Variants in SPC25 observed in about 807,000 individuals in gnomAD.
SPC25 encodes the protein kinetochore protein Spc25.
SPC25 carries 22 observed loss-of-function variants against 29.6 expected under a neutral mutation model. That is an observed-to-expected ratio of 0.74 (90% CI 0.53 to 1.06). SPC25 has a LOEUF of 1.06. SPC25 is among the 50% of genes least tolerant of loss of function. The pLI is 0.00. For missense variants in SPC25, 230 were observed against 255.8 expected (o/e 0.90, Z 0.69); for synonymous variants, 91 against 90.4 (o/e 1.01, Z -0.04).
intron 6 of SPC25, 124 bp from the exon 7 acceptor site, chr2:168,871,679 G>A (rs926569475): frequency 1.1e-6 from 1 of 906,534 alleles, no homozygotes; most frequent in Non-Finnish European, 1.6e-6. Flanking sequence ...GAAATTCTTT[G>A]AGCAAAAAAG....
chr2:168,873,078 G>A (rs6739984), intron 6 of SPC25, among the ~76,000 whole-genome samples: 12,917 of 152,024 alleles, frequency 0.085, 966 homozygotes, highest in African/African-American at 0.2. Context: ...TAAATCAAAG[G>A]CCTTTTGGCC....
rs995384935 is a variant in SPC25, at chr2:168,890,360, A to G, written c.-57T>C. ...AGTCCCGCCGCCTTCCCCACACCAG[A>G]TCCGCGCCCACTCTAGCCAACAGCC... On this transcript the variant is annotated 5_prime_UTR_variant, in exon 1 of 7. Coordinates refer to ENST00000282074, the MANE Select transcript of SPC25 (RefSeq NM_020675.4). 5 of 985,222 alleles carry G rather than the reference A, an allele frequency of 5.1e-6. No individual in the cohort carries two copies. Among genetic ancestry groups the G allele is most frequent in the African/African-American group, 3.5e-5 (2 of 57,182 alleles). The allele number at this position is 985,222 out of a possible 1,614,324, so 61.0% of individuals were successfully genotyped here.
intron 3 of SPC25, 142 bp from the exon 4 acceptor site, chr2:168,877,526 A>G: frequency 3.1e-6 from 3 of 960,940 alleles, no homozygotes; most frequent in Non-Finnish European, 4.5e-6. Context: ...TCAAAATTAT[A>G]AAAGACAAAA....
downstream of SPC25, among the ~76,000 whole-genome samples, chr2:168,867,042 T>A (rs1054356288): frequency 3.3e-5 from 5 of 152,104 alleles, no homozygotes; most frequent in Non-Finnish European, 7.4e-5. Context: ...GTAAACTAGT[T>A]CAACCATTGT....
At chr2:168,882,017 T>C (rs1002212238) in intron 3 of SPC25, among the ~76,000 whole-genome samples, 2 of 152,298 alleles carry the variant, frequency 1.3e-5, no homozygotes, top group East Asian at 1.9e-4. Context: ...TCAAGAAATA[T>C]GTAGGCTCTG....
rs768165420 is a variant in SPC25 at position 168,882,714 on chromosome 2, C to A, written c.200-5330G>T. Among the ~76,000 whole-genome samples, 84 of 152,212 alleles carry A rather than the reference C, an allele frequency of 5.5e-4. 1 individual carries two copies. The highest frequency in any genetic ancestry group is 1.0e-3 in the Non-Finnish European group (69 of 68,000). The stretch of plus-strand genomic sequence containing the variant: ...TTATCCTCCTCCAACAATGGGTTAC[C>A]ATTTTAATCTCAAGAGGAAGACACA... On this transcript the variant is annotated intron_variant, in intron 3 of 6. Coordinates refer to ENST00000282074, the MANE Select transcript of SPC25 (RefSeq NM_020675.4).
At chr2:168,876,275 G>T in intron 4 of SPC25, 99 bp from the exon 5 acceptor site, 2 of 834,044 alleles carry the variant, frequency 2.4e-6, no homozygotes, top group East Asian at 3.2e-5. Flanking sequence ...ATAAAATGAT[G>T]CCAAGCCTAT....
chr2:168,863,500 T>C, intron 4 of SPC25: 1 of 985,408 alleles, frequency 1.0e-6, no homozygotes, highest in African/African-American at 1.7e-5. Flanking sequence ...CAGATCTTTC[T>C]ACTTTTATGA....
intron 1 of SPC25, 112 bp from the exon 2 acceptor site, chr2:168,889,645 C>T: frequency 9.0e-7 from 1 of 1,109,720 alleles, no homozygotes; most frequent in South Asian, 1.6e-5. Flanking sequence ...AAAATAGCAA[C>T]TTATCTTTAA....
At chr2:168,876,004 T>G (rs1415115706) in intron 5 of SPC25, 68 bp downstream of exon 5, 1 of 853,424 alleles carries the variant, frequency 1.2e-6, no homozygotes, top group African/African-American at 1.8e-5. Flanking sequence ...ATTTTTAAAA[T>G]TTTCCTCTAC....
chr2:168,873,651 C>A lies in SPC25; in HGVS notation c.484G>T (p.Asp162Tyr). 2 of 1,611,306 alleles carry A rather than the reference C, an allele frequency of 1.2e-6. No individual in the cohort carries two copies. Among genetic ancestry groups the A allele is most frequent in the South Asian group, 2.2e-5 (2 of 90,954 alleles). ...EKLQFIFTNIDPKNPESPFMF... is the reference protein window; with the variant it reads ...EKLQFIFTNIYPKNPESPFMF... ...AATGGGCTCTCAGGATTCTTAGGGTCAATATTAGTGAAAATAAACTGCAAT... is the reference window on the plus strand; with the variant it reads ...AATGGGCTCTCAGGATTCTTAGGGTAAATATTAGTGAAAATAAACTGCAAT... Residue 162 changes from aspartate to tyrosine, a missense_variant, in exon 6 of 7, where the codon GAC becomes TAC. Physicochemically the swap from Asp to Tyr is radical, Grantham distance 160. Coordinates refer to ENST00000282074, the MANE Select transcript of SPC25 (RefSeq NM_020675.4).
intron 3 of SPC25, among the ~76,000 whole-genome samples, chr2:168,879,971 GTAAAC>G (rs1690149278): frequency 6.6e-6 from 1 of 152,188 alleles, no homozygotes. Flanking sequence ...AAAATATTCA[GTAAAC>G]TATGCTATAC....
Position 168,864,663 on chromosome 2 carries a change from T to G in SPC25, n.419+8922A>C, listed in dbSNP as rs141597163. On this transcript the variant is annotated intron_variant and non_coding_transcript_variant, in intron 4 of 4. Coordinates refer to the SPC25 transcript ENST00000479309. The stretch of plus-strand genomic sequence containing the variant: ...ACTCTTTTTAGTATCCTCTGGATTA[T>G]GCCTGCTTTATACACAGGTGTTCGA... Among the ~76,000 whole-genome samples, 239 of 152,360 alleles carry G rather than the reference T, an allele frequency of 1.6e-3. No homozygotes were observed. The highest frequency in any genetic ancestry group is 5.6e-3 in the African/African-American group (231 of 41,590).
chr2:168,885,029 C>T (rs1195491326), intron 3 of SPC25: 1 of 152,218 alleles, frequency 6.6e-6, no homozygotes, highest in Non-Finnish European at 1.5e-5. Context: ...TCCCTATCTT[C>T]AGCAAAGACC....
intron 3 of SPC25, among the ~76,000 whole-genome samples, chr2:168,882,191 T>C (rs1055999199): frequency 1.3e-5 from 2 of 152,254 alleles, no homozygotes; most frequent in Non-Finnish European, 2.9e-5. Flanking sequence ...AGAGGTAGAT[T>C]ATTCTCTAAA....
chr2:168,881,235 T>C (rs1690173262), intron 3 of SPC25, among the ~76,000 whole-genome samples: 3 of 152,208 alleles, frequency 2.0e-5, no homozygotes, highest in South Asian at 4.1e-4. Flanking sequence ...GCCTTCCCCA[T>C]GTCCCTGTCA....
chr2:168,877,210 A>G (rs1235660207), intron 4 of SPC25, 28 bp downstream of exon 4: 1 of 1,607,302 alleles, frequency 6.2e-7, no homozygotes, highest in Non-Finnish European at 8.5e-7. Flanking sequence ...TCCATTTTAG[A>G]TCAGTATGTT....
At chr2:168,881,609 A>G (rs114500032) in intron 3 of SPC25, among the ~76,000 whole-genome samples, 320 of 152,308 alleles carry the variant, frequency 2.1e-3, no homozygotes, top group African/African-American at 7.4e-3. Flanking sequence ...GTGCTTATGA[A>G]TTTCTGAATT....
At chr2:168,887,829 A>G (rs541432641) in intron 3 of SPC25, among the ~76,000 whole-genome samples, 1 of 152,358 alleles carries the variant, frequency 6.6e-6, no homozygotes, top group South Asian at 2.1e-4. Context: ...TAGCTTTTCA[A>G]TCCCCAGGCT....
Sources: allele counts gnomAD v4.1 joint callset (sites outside exome capture counted in the v4.1 genomes callset), GRCh38; gene constraint gnomAD v4.1.1; transcripts MANE v1.5; gene names NCBI Gene and HGNC (gene_info 2026-07-23, HGNC 2026-07-21).